MED13L: variants seen among roughly 807,000 people sequenced by gnomAD.
MED13L encodes the protein mediator complex subunit 13L, also known as mediator of RNA polymerase II transcription subunit 13-like.
In MED13L, 7 loss-of-function variants were observed where a neutral mutation model predicts 220.9. That is an observed-to-expected ratio of 0.03 (90% CI 0.02 to 0.06). MED13L has a LOEUF of 0.06. Ranked by LOEUF, MED13L falls within the 10% of genes least tolerant of loss-of-function variation. The pLI is 1.00. For missense variants in MED13L, 1,965 were observed against 2,760.5 expected, an observed-to-expected ratio of 0.71 and a Z score of 6.46; for synonymous variants, 1,011 against 1,015.2, an observed-to-expected ratio of 1.00 and a Z score of 0.08.
At chr12:115,989,153 ATAAC>A (rs1298708846) in intron 17 of MED13L, among the ~76,000 whole-genome samples, 1 of 152,170 alleles carries the variant, frequency 6.6e-6, no homozygotes, top group Non-Finnish European at 1.5e-5. Flanking sequence ...AGAAGCTTAT[ATAAC>A]TTTCTTCCCT....
intron 2 of MED13L, among the ~76,000 whole-genome samples, chr12:116,122,027 C>A (rs1022465857): frequency 1.3e-5 from 2 of 152,100 alleles, no homozygotes; most frequent in Admixed American, 6.6e-5. Flanking sequence ...AGCTCTGAAT[C>A]CAAGGTTTAT....
At chr12:116,019,527 G>A (rs1230076019) in intron 6 of MED13L, 115 bp from the exon 7 acceptor site, 2 of 1,231,030 alleles carry the variant, frequency 1.6e-6, no homozygotes, top group African/African-American at 1.5e-5. Flanking sequence ...TGCCAAAAGT[G>A]ATAGGCTCCA....
chr12:115,968,820 G>T, intron 28 of MED13L, 120 bp downstream of exon 28: 2 of 1,272,198 alleles, frequency 1.6e-6, no homozygotes, highest in South Asian at 1.2e-5. Flanking sequence ...TATTTCTCTT[G>T]TACCAAGGAC....
intron 4 of MED13L, among the ~76,000 whole-genome samples, chr12:116,090,379 C>T (rs1872096119): frequency 6.6e-6 from 1 of 152,164 alleles, no homozygotes; most frequent in South Asian, 2.1e-4. Context: ...TCTCTACAAA[C>T]ATGTTCTTTT....
At position 115,991,549 on chromosome 12, in the gene MED13L, G is replaced by C; in HGVS notation, c.3405C>G (p.Ala1135=). The change falls in exon 17 of 31, where the codon GCC becomes GCG. Residue 1135 remains alanine (A), a synonymous_variant. Transcript: ENST00000281928. This position sits in a 1 kb window ranked among gnomAD's most constrained non-coding sequence, Gnocchi z 7.7. ...DRNFDSCCIC[A]CNMNIKGADV... ...CCGCCCCTTTGATGTTCATGTTGCA[G>C]GCACAGATGCAACAGCTGTCAAAGT... 1 of 1,614,106 alleles carries C rather than the reference G, an allele frequency of 6.2e-7. No individual in the cohort carries two copies. Among genetic ancestry groups the C allele is most frequent in the Admixed American group, 1.7e-5 (1 of 60,022 alleles).
intron 14 of MED13L, among the ~76,000 whole-genome samples, chr12:116,002,630 TA>T (rs1878817577): frequency 6.6e-6 from 1 of 152,198 alleles, no homozygotes; most frequent in Non-Finnish European, 1.5e-5. Context: ...ATTATATTTA[TA>T]AAAACAGAAA....
At position 116,013,113 on chromosome 12, in the gene MED13L, T is replaced by G. The variant is rs11067877; in HGVS notation, c.1176-212A>C. ...TTGGCTGGGCGCATGTGGTTCATAC[T>G]TGTAATCCCAGCATTTTGGGAGGCT... On this transcript the variant is annotated intron_variant, in intron 8 of 30. Transcript: ENST00000281928. Among the ~76,000 whole-genome samples the G allele has an allele frequency of 0.099, 15,022 of 152,236 alleles. 844 individuals carry two copies. Among genetic ancestry groups the G allele is most frequent in the East Asian group, 0.21 (1,108 of 5,172 alleles).
intron 4 of MED13L, among the ~76,000 whole-genome samples, chr12:116,092,184 T>C (rs1331441246): frequency 6.6e-6 from 1 of 152,130 alleles, no homozygotes; most frequent in Non-Finnish European, 1.5e-5. Flanking sequence ...AATTTATGAG[T>C]AAAACAGAAA....
chr12:116,185,652 GCTTTTCTTTT>G (rs11274833), intron 2 of MED13L, among the ~76,000 whole-genome samples: 6,552 of 139,856 alleles, frequency 0.047, 212 homozygotes, highest in Middle Eastern at 0.063. Flanking sequence ...TTCATCACAT[GCTTTTCTTTT>G]CTTTTCTTTT....
At chr12:116,081,034 A>G (rs11612443) in intron 4 of MED13L, among the ~76,000 whole-genome samples, 22,514 of 152,150 alleles carry the variant, frequency 0.15, 1,883 homozygotes, top group Middle Eastern at 0.21. Context: ...TGTTCTTTAA[A>G]GGTCACAAAT....
intron 2 of MED13L, among the ~76,000 whole-genome samples, chr12:116,186,563 T>C (rs546761919): frequency 6.6e-6 from 1 of 152,332 alleles, no homozygotes; most frequent in Admixed American, 6.5e-5. Context: ...GGTAGGCATG[T>C]GACACTAAGT....
intron 2 of MED13L, among the ~76,000 whole-genome samples, chr12:116,119,571 A>G (rs1874820849): frequency 3.3e-5 from 5 of 152,046 alleles, no homozygotes; most frequent in African/African-American, 9.7e-5. Context: ...AAGAAGGCAC[A>G]GTGCCTTACA....
chr12:116,024,167 G>A (rs117030172), intron 4 of MED13L, among the ~76,000 whole-genome samples: 120 of 152,128 alleles, frequency 7.9e-4, no homozygotes, highest in East Asian at 3.5e-3. Flanking sequence ...CTATTCCACC[G>A]AGTCCCAACT....
intron 4 of MED13L, among the ~76,000 whole-genome samples, chr12:116,080,786 C>G (rs1871185570): frequency 6.6e-6 from 1 of 152,176 alleles, no homozygotes; most frequent in South Asian, 2.1e-4. Context: ...TGTTAACAAG[C>G]AACTGCGGCT....
chr12:116,015,037 T>C lies in MED13L; in HGVS notation c.1175+72A>G, dbSNP rs1879640068. The C allele has an allele frequency of 5.4e-5, 79 of 1,472,370 alleles. 1 individual carries two copies. In the South Asian group the frequency reaches 8.7e-4, roughly 16 times the overall value. 91.2% of individuals were successfully genotyped at this position (1,472,370 alleles called of 1,614,324 possible). The stretch of plus-strand genomic sequence containing the variant: ...TTGGTCACACAATAGTGCAATGTGA[T>C]TGACATTTTCCAGGTAGCAATCAAG... On this transcript the variant is annotated intron_variant, in intron 8 of 30. Transcript: ENST00000281928.
At chr12:116,122,531 T>C (rs368725336) in intron 2 of MED13L, among the ~76,000 whole-genome samples, 2 of 152,192 alleles carry the variant, frequency 1.3e-5, no homozygotes, top group African/African-American at 2.4e-5. Flanking sequence ...CAAATCTATG[T>C]TGGAAATGGA....
Position 116,130,854 on chromosome 12 carries a change from A to T in MED13L, c.311-19342T>A, listed in dbSNP as rs1034692544. On this transcript the variant is annotated intron_variant, in intron 2 of 30. Coordinates refer to ENST00000281928, the MANE Select transcript of MED13L (RefSeq NM_015335.5). Reference sequence around the variant, plus strand: ...TCTGAACAAGTATCTAAGCCATTTAAAAAAAAAAAACCTTAAAACTGAGCA... The same window carrying T: ...TCTGAACAAGTATCTAAGCCATTTATAAAAAAAAAACCTTAAAACTGAGCA... 0.018 allele frequency among the ~76,000 whole-genome samples: 324 copies of T among 17,880 alleles called. No homozygotes were observed. In the African/African-American group the frequency reaches 0.21, roughly 12 times the overall value. 11.7% of individuals were successfully genotyped at this position (17,880 alleles called of 152,430 possible). A position where few individuals can be genotyped will look rare whatever the true frequency, so the allele number is the denominator to read the frequency against.
Position 116,019,217 on chromosome 12 carries a change from T to C in MED13L, c.1009+7A>G. ...TTCTCCCCAGGACACTCCTGGATCC[T>C]ACTCACCTAGGATAGCCTGTTCTGG... On this transcript the variant is annotated splice_region_variant and intron_variant, in intron 7 of 30. Coordinates refer to ENST00000281928, the MANE Select transcript of MED13L (RefSeq NM_015335.5). The C allele has an allele frequency of 4.3e-6, 7 of 1,612,592 alleles. No homozygotes were observed. The highest frequency in any genetic ancestry group is 5.1e-6 in the Non-Finnish European group (6 of 1,179,252).
intron 4 of MED13L, among the ~76,000 whole-genome samples, chr12:116,054,213 AACACACACACAC>A (rs58217261): frequency 7.6e-6 from 1 of 131,120 alleles, no homozygotes; most frequent in South Asian, 2.8e-4. Flanking sequence ...CACACACACA[AACACACACACAC>A]ACACACACGT....
Sources: gnomAD v4.1 joint callset for allele counts (sites outside exome capture counted in the v4.1 genomes callset) on GRCh38, gnomAD v4.1.1 for gene constraint, Gnocchi (gnomAD v3.1) non-coding constraint, MANE v1.5 for transcripts, NCBI Gene and HGNC (gene_info 2026-07-23, HGNC 2026-07-21) for gene names.